ZFPM2: variants seen among roughly 807,000 people sequenced by gnomAD.
ZFPM2 encodes zinc finger protein, FOG family member 2, also known as zinc finger protein ZFPM2.
A neutral mutation model predicts 98.6 loss-of-function variants in ZFPM2; 20 were observed. The ratio of observed to expected loss-of-function variants is 0.20; its 90% CI spans 0.14 to 0.29. ZFPM2 has a LOEUF of 0.29. Ranked by LOEUF, ZFPM2 falls within the 10% of genes least tolerant of loss-of-function variation. The pLI is 1.00. For missense variants in ZFPM2, 1,310 were observed against 1,388.6 expected (o/e 0.94, Z 0.90); for synonymous variants, 518 against 502.7 (o/e 1.03, Z -0.41).
chr8:105,651,167 T>C (rs1586174693), intron 5 of ZFPM2, among the ~76,000 whole-genome samples: 1 of 152,186 alleles, frequency 6.6e-6, no homozygotes, highest in Non-Finnish European at 1.5e-5. Context: ...TGTCATTCTT[T>C]AGTTTTTTTC....
chr8:105,624,995 C>A (rs1658882175), intron 4 of ZFPM2, among the ~76,000 whole-genome samples: 1 of 152,136 alleles, frequency 6.6e-6, no homozygotes. Context: ...AGCAGAAGTT[C>A]TCTGGAATTT....
At chr8:105,391,163 G>A (rs1334430960) in intron 1 of ZFPM2, among the ~76,000 whole-genome samples, 2 of 152,178 alleles carry the variant, frequency 1.3e-5, no homozygotes, top group African/African-American at 4.8e-5. Flanking sequence ...AAATCTTTCA[G>A]TATGGTACCA....
chr8:105,416,425 A>G (rs1042777676), intron 1 of ZFPM2, among the ~76,000 whole-genome samples: 8 of 151,678 alleles, frequency 5.3e-5, no homozygotes, highest in Non-Finnish European at 7.4e-5. Context: ...AAAGGAAAGC[A>G]TATATATTAC....
At chr8:105,693,980 C>CTTTTTTTTTTTTTTTTTTTTTTTTTT (rs376834507) in intron 5 of ZFPM2, among the ~76,000 whole-genome samples, 1 of 118,412 alleles carries the variant, frequency 8.4e-6, no homozygotes, top group Non-Finnish European at 1.7e-5. Context: ...TTTTTCTTTT[C>CTTTTTTTTTTTTTTTTTTTTTTTTTT]TTTTTTTTTT....
At chr8:105,433,849 T>C (rs1253734858) in intron 2 of ZFPM2, among the ~76,000 whole-genome samples, 1 of 152,190 alleles carries the variant, frequency 6.6e-6, no homozygotes, top group Non-Finnish European at 1.5e-5. Flanking sequence ...ACCACTGTTA[T>C]CAACTGTTTC....
intron 1 of ZFPM2, among the ~76,000 whole-genome samples, chr8:105,362,578 T>G (rs1483711604): frequency 5.3e-5 from 8 of 152,136 alleles, no homozygotes; most frequent in Admixed American, 5.2e-4. Context: ...TTATTGACAT[T>G]ACTCAAGTGC....
At position 105,802,664 on chromosome 8, in the gene ZFPM2, T is replaced by C. The variant is rs1201713988; in HGVS notation, c.2582T>C (p.Ile861Thr). The C allele has an allele frequency of 6.2e-7, 1 of 1,611,142 alleles. No individual in the cohort carries two copies. Among genetic ancestry groups the C allele is most frequent in the African/African-American group, 1.3e-5 (1 of 74,902 alleles). The change falls in exon 8 of 8, where the codon ATC becomes ACC. Residue 861 changes from isoleucine (I) to threonine (T), a missense_variant. By Grantham distance (89) the Ile-to-Thr change is moderately conservative. Transcript: ENST00000407775. ...TATCACGAGTGCACTGTGTGCAAGA[T>C]CAGTTTCAATAAGGTAGAAAACTAT... ...LDYHECTVCK[I>T]SFNKVENYLA...
At chr8:105,653,852 A>ATTTTTTTTTTTTT (rs1563506586) in intron 5 of ZFPM2, among the ~76,000 whole-genome samples, 1 of 56,224 alleles carries the variant, frequency 1.8e-5, no homozygotes, top group Non-Finnish European at 3.7e-5. Flanking sequence ...CTTGTGTGCT[A>ATTTTTTTTTTTTT]TCTTTTTTTT....
chr8:105,391,984 C>T (rs1168352874), intron 1 of ZFPM2, among the ~76,000 whole-genome samples: 1 of 152,190 alleles, frequency 6.6e-6, no homozygotes, highest in Non-Finnish European at 1.5e-5. Context: ...CCATCCATCA[C>T]AGAAATCACT....
At chr8:105,746,609 A>C (rs1448725924) in intron 5 of ZFPM2, among the ~76,000 whole-genome samples, 1 of 150,528 alleles carries the variant, frequency 6.6e-6, no homozygotes, top group Non-Finnish European at 1.5e-5. Context: ...AAATGTAACT[A>C]TGGGAGAGTT....
At chr8:105,676,513 A>G (rs1382910023) in intron 5 of ZFPM2, among the ~76,000 whole-genome samples, 1 of 152,164 alleles carries the variant, frequency 6.6e-6, no homozygotes, top group Non-Finnish European at 1.5e-5. Flanking sequence ...CAAACAATAT[A>G]TAGTATTTGA....
chr8:105,727,809 T>C (rs1229708638), intron 5 of ZFPM2, among the ~76,000 whole-genome samples: 1 of 151,640 alleles, frequency 6.6e-6, no homozygotes, highest in African/African-American at 2.4e-5. Flanking sequence ...GGAAGTTATC[T>C]AGAGATTTGC....
At chr8:105,566,910 T>C (rs569030669) in intron 4 of ZFPM2, among the ~76,000 whole-genome samples, 1 of 151,970 alleles carries the variant, frequency 6.6e-6, no homozygotes, top group African/African-American at 2.4e-5. Flanking sequence ...TGATACTGAA[T>C]TTTTTTTAAA....
At chr8:105,349,608 C>T (rs530137591) in intron 1 of ZFPM2, among the ~76,000 whole-genome samples, 1 of 152,268 alleles carries the variant, frequency 6.6e-6, no homozygotes, top group South Asian at 2.1e-4. Flanking sequence ...TTAAGACCTT[C>T]TAGAAACTCT....
At chr8:105,376,924 A>G (rs1313654411) in intron 1 of ZFPM2, among the ~76,000 whole-genome samples, 2 of 152,206 alleles carry the variant, frequency 1.3e-5, no homozygotes, top group South Asian at 2.1e-4. Context: ...TTGCTTCCCA[A>G]TGCAATTAGA....
At chr8:105,637,050 G>A (rs570871743) in intron 5 of ZFPM2, among the ~76,000 whole-genome samples, 1 of 152,272 alleles carries the variant, frequency 6.6e-6, no homozygotes, top group South Asian at 2.1e-4. Context: ...TAGGGTTGGA[G>A]TGATACATAC....
chr8:105,457,911 C>T (rs953845964), intron 3 of ZFPM2, among the ~76,000 whole-genome samples: 5 of 152,086 alleles, frequency 3.3e-5, no homozygotes, highest in African/African-American at 7.2e-5. Flanking sequence ...GATTTAGACA[C>T]GAGGCTGCCT....
intron 1 of ZFPM2, among the ~76,000 whole-genome samples, chr8:105,400,352 C>T (rs959008072): frequency 8.7e-4 from 132 of 151,884 alleles, no homozygotes; most frequent in African/African-American, 3.2e-3. Context: ...CATGCTGGTG[C>T]ACTGCACCCA....
chr8:105,381,539 A>G (rs1479946175), intron 1 of ZFPM2, among the ~76,000 whole-genome samples: 1 of 152,108 alleles, frequency 6.6e-6, no homozygotes, highest in Non-Finnish European at 1.5e-5. Context: ...AGTTCAAATC[A>G]TATAAGTTAT....
Sources: gnomAD v4.1 joint callset for allele counts (sites outside exome capture counted in the v4.1 genomes callset) on GRCh38, gnomAD v4.1.1 for gene constraint, MANE v1.5 for transcripts, NCBI Gene and HGNC (gene_info 2026-07-23, HGNC 2026-07-21) for gene names.